Variants in GPC5 observed in about 807,000 individuals in gnomAD.
The protein encoded by GPC5 is glypican 5.
In GPC5, 47 loss-of-function variants were observed where a neutral mutation model predicts 53.9. That is an observed-to-expected ratio of 0.87 (90% CI 0.69 to 1.11). The LOEUF (loss-of-function observed/expected upper bound fraction) is 1.11, where lower values mean the gene tolerates loss of function less well. Ranked by LOEUF, GPC5 falls within the 50% of genes most tolerant of loss-of-function variation. The pLI, the probability that GPC5 is intolerant of heterozygous loss-of-function variation, is 0.00. For synonymous variants in GPC5, 286 were observed against 263.3 expected (o/e 1.09, Z -0.84); for missense variants, 748 against 713.1 (o/e 1.05, Z -0.56).
chr13:92,752,991 G>A (rs1299045752), intron 7 of GPC5, among the ~76,000 whole-genome samples: 1 of 152,200 alleles, frequency 6.6e-6, no homozygotes, highest in Non-Finnish European at 1.5e-5. Flanking sequence ...GCCCACCACA[G>A]CTCAGGGAGG....
chr13:91,514,492 T>C (rs1885392949), intron 2 of GPC5, among the ~76,000 whole-genome samples: 1 of 152,202 alleles, frequency 6.6e-6, no homozygotes, highest in African/African-American at 2.4e-5. Flanking sequence ...AATTAGATTT[T>C]TTTTGCTATC....
chr13:92,600,176 T>C (rs911402005), intron 7 of GPC5, among the ~76,000 whole-genome samples: 15 of 152,202 alleles, frequency 9.9e-5, no homozygotes, highest in South Asian at 2.1e-4. Flanking sequence ...AAATCTCCTG[T>C]AGGTGGATTT....
intron 1 of GPC5, among the ~76,000 whole-genome samples, chr13:91,416,811 A>G (rs941332298): frequency 5.9e-5 from 9 of 152,126 alleles, no homozygotes; most frequent in Non-Finnish European, 1.0e-4. Flanking sequence ...ATAGTATTCC[A>G]TGGTGTATGT....
intron 6 of GPC5, among the ~76,000 whole-genome samples, chr13:92,043,007 G>A (rs2040953535): frequency 6.6e-6 from 1 of 152,068 alleles, no homozygotes; most frequent in Non-Finnish European, 1.5e-5. Context: ...ACATAGATTT[G>A]GGTACACAGA....
intron 2 of GPC5, among the ~76,000 whole-genome samples, chr13:91,554,582 T>C (rs753743320): frequency 6.6e-6 from 1 of 152,082 alleles, no homozygotes; most frequent in Non-Finnish European, 1.5e-5. Flanking sequence ...ACATAATTGG[T>C]TAAAATAAAT....
intron 7 of GPC5, among the ~76,000 whole-genome samples, chr13:92,783,667 A>C (rs960787161): frequency 6.6e-6 from 1 of 152,182 alleles, no homozygotes; most frequent in East Asian, 1.9e-4. Flanking sequence ...TAGGCCAAAA[A>C]CAATGAGAAT....
chr13:92,092,447 A>G (rs1440423014), intron 6 of GPC5, among the ~76,000 whole-genome samples: 1 of 152,206 alleles, frequency 6.6e-6, no homozygotes, highest in Non-Finnish European at 1.5e-5. Flanking sequence ...TTGAGCAGCT[A>G]CCTGGTAAAA....
chr13:91,786,533 C>T (rs890405990), intron 5 of GPC5, among the ~76,000 whole-genome samples: 2 of 151,956 alleles, frequency 1.3e-5, no homozygotes, highest in Non-Finnish European at 2.9e-5. Context: ...CATTAAGTTA[C>T]GTGTTTAAAA....
intron 7 of GPC5, among the ~76,000 whole-genome samples, chr13:92,728,363 G>T (rs2139295898): frequency 6.6e-6 from 1 of 151,514 alleles, no homozygotes; most frequent in African/African-American, 2.4e-5. Context: ...TAGTTAAGCA[G>T]TCTTGAATGT....
intron 7 of GPC5, among the ~76,000 whole-genome samples, chr13:92,484,973 T>C (rs915075635): frequency 2.0e-5 from 3 of 152,032 alleles, no homozygotes; most frequent in African/African-American, 7.2e-5. Flanking sequence ...TGACCTCAAG[T>C]GATCCACCTG....
At chr13:92,676,760 A>G (rs543961274) in intron 7 of GPC5, among the ~76,000 whole-genome samples, 4 of 152,302 alleles carry the variant, frequency 2.6e-5, no homozygotes, top group Admixed American at 6.5e-5. Context: ...TATGAAAACT[A>G]TTTACTAAAG....
At chr13:91,664,672 T>C (rs1235395484) in intron 2 of GPC5, among the ~76,000 whole-genome samples, 3 of 152,242 alleles carry the variant, frequency 2.0e-5, no homozygotes, top group Non-Finnish European at 2.9e-5. Flanking sequence ...GGACCTAATA[T>C]TCCATGCTCT....
intron 7 of GPC5, among the ~76,000 whole-genome samples, chr13:92,705,677 T>G (rs971704316): frequency 9.9e-5 from 15 of 152,148 alleles, no homozygotes; most frequent in Non-Finnish European, 1.9e-4. Flanking sequence ...TATATGTGAC[T>G]TGCATTCCTG....
At chr13:91,893,896 G>T (rs560148116) in intron 5 of GPC5, among the ~76,000 whole-genome samples, 8 of 150,352 alleles carry the variant, frequency 5.3e-5, no homozygotes, top group African/African-American at 2.0e-4. Context: ...TTCTTTGCTG[G>T]TCTATTTTAC....
Position 92,144,409 on chromosome 13 carries a change from C to T in GPC5, c.1402-421C>T, listed in dbSNP as rs56159760. ...AGACAGAATCATTTTCTGGAAGAGT[C>T]GTACTTCTTCAGAAATACGGAGTGT... On this transcript the variant is annotated intron_variant, in intron 6 of 7. Transcript: ENST00000377067. Among the ~76,000 whole-genome samples the T allele has an allele frequency of 2.0e-3, 310 of 152,182 alleles. 3 individuals carry two copies. Among genetic ancestry groups the T allele is most frequent in the African/African-American group, 7.1e-3 (294 of 41,528 alleles).
At chr13:91,412,584 A>G (rs1235048171) in intron 1 of GPC5, among the ~76,000 whole-genome samples, 1 of 152,262 alleles carries the variant, frequency 6.6e-6, no homozygotes, top group African/African-American at 2.4e-5. Flanking sequence ...CATAAAGAGG[A>G]AACTCAAATA....
chr13:92,744,272 A>G (rs576270711), intron 7 of GPC5, among the ~76,000 whole-genome samples: 43 of 152,208 alleles, frequency 2.8e-4, no homozygotes, highest in African/African-American at 9.4e-4. Flanking sequence ...TCTACAAGAT[A>G]GGGAAAGTGA....
At chr13:92,527,308 A>G (rs918649039) in intron 7 of GPC5, among the ~76,000 whole-genome samples, 1 of 152,016 alleles carries the variant, frequency 6.6e-6, no homozygotes, top group South Asian at 2.1e-4. Context: ...AGAGAGCCCA[A>G]AGTAGAACTC....
intron 6 of GPC5, among the ~76,000 whole-genome samples, chr13:91,963,390 A>C (rs2040144972): frequency 6.6e-6 from 1 of 152,146 alleles, no homozygotes; most frequent in African/African-American, 2.4e-5. Context: ...ATATTTCTAC[A>C]TGTTCTCTTA....
Sources: allele counts gnomAD v4.1 joint callset (sites outside exome capture counted in the v4.1 genomes callset), GRCh38; gene constraint gnomAD v4.1.1; transcripts MANE v1.5; gene names NCBI Gene and HGNC (gene_info 2026-07-23, HGNC 2026-07-21).